NUP205: variants seen among roughly 807,000 people sequenced by gnomAD.
The protein encoded by NUP205 is nucleoporin 205.
NUP205 carries 76 observed loss-of-function variants against 253.8 expected under a neutral mutation model. The ratio of observed to expected loss-of-function variants is 0.30; its 90% CI spans 0.25 to 0.36. NUP205 has a LOEUF of 0.36. Ranked by LOEUF, NUP205 falls within the 10% of genes least tolerant of loss-of-function variation. The pLI is 1.00. For synonymous variants in NUP205, 832 were observed against 850.1 expected (o/e 0.98, Z 0.37); for missense variants, 2,162 against 2,425.5 (o/e 0.89, Z 2.28).
chr7:135,577,077 T>G lies in NUP205; in HGVS notation c.597T>G (p.Phe199Leu), dbSNP rs776802109. 1.9e-6 allele frequency: 3 copies of G among 1,614,026 alleles called. No individual in the cohort carries two copies. The South Asian group carries it at 3.3e-5, about 18-fold the overall frequency. Residue 199 changes from phenylalanine (F) to leucine (L), a missense_variant, in exon 5 of 43, where the codon TTT (phenylalanine) becomes TTG (leucine). Phe to Leu is a conservative substitution (Grantham distance 22). Coordinates refer to ENST00000285968, the MANE Select transcript of NUP205 (RefSeq NM_015135.3). ...LVSQIDVNNE[F>L]EKLQRERGLG... ...CACAGATTGATGTGAATAATGAGTT[T>G]GAGAAACTACAGCGAGAGAGAGGTT...
intron 35 of NUP205, among the ~76,000 whole-genome samples, chr7:135,631,774 G>T (rs1176480491): frequency 6.7e-6 from 1 of 148,800 alleles, no homozygotes; most frequent in Non-Finnish European, 1.5e-5. Context: ...TTTTGAGACG[G>T]AGTCTTGCTC....
At chr7:135,609,702 T>TA (rs1315041237) in intron 22 of NUP205, among the ~76,000 whole-genome samples, 2 of 152,182 alleles carry the variant, frequency 1.3e-5, no homozygotes, top group African/African-American at 4.8e-5. Flanking sequence ...GCATGGATAT[T>TA]TTTCTTTGTT....
intron 8 of NUP205, among the ~76,000 whole-genome samples, chr7:135,586,169 A>G (rs1806458816): frequency 6.6e-6 from 1 of 152,102 alleles, no homozygotes; most frequent in African/African-American, 2.4e-5. Flanking sequence ...CACTTGTAAT[A>G]TATTGTGCAG....
At chr7:135,618,784 G>C (rs571447277) in intron 28 of NUP205, among the ~76,000 whole-genome samples, 181 bp downstream of exon 28, 1 of 152,286 alleles carries the variant, frequency 6.6e-6, no homozygotes, top group African/African-American at 2.4e-5. Flanking sequence ...CTCAACCAGA[G>C]TGTGTGTCTG....
In NUP205 at chr7:135,576,417, C is replaced by G. The variant is rs1299060773; in HGVS notation, c.488+3C>G. ...AAGACATGGACCCTAGAACTCAGGT[C>G]TTTTTACTTCTTGGGATTTCAGGGG... On this transcript the variant is annotated splice_donor_region_variant and intron_variant, in intron 4 of 42. Transcript: ENST00000285968. 3.7e-6 allele frequency: 6 copies of G among 1,602,346 alleles called. No homozygotes were observed. Among genetic ancestry groups the G allele is most frequent in the East Asian group, 2.2e-5 (1 of 44,730 alleles).
chr7:135,604,350 C>A lies in NUP205; in HGVS notation c.2713C>A (p.His905Asn). 6.2e-7 allele frequency: 1 copy of A among 1,607,944 alleles called. No individual in the cohort carries two copies. Among genetic ancestry groups the A allele is most frequent in the Non-Finnish European group, 8.5e-7 (1 of 1,178,194 alleles). Residue 905 changes from histidine to asparagine, a missense_variant, in exon 19 of 43, where the codon CAT becomes AAT. By Grantham distance (68) the His-to-Asn change is moderately conservative. Transcript: ENST00000285968. Reference protein sequence around the residue: ...NVVNIARYLYHGNTNPELAFE... With the variant: ...NVVNIARYLYNGNTNPELAFE... The stretch of plus-strand genomic sequence containing the variant: ...TTCTTTTCTTTAAAGATACCTATAT[C>A]ATGGCAATACTAATCCAGAATTGGC...
At position 135,616,646 on chromosome 7, in the gene NUP205, T is replaced by C. The variant is rs1207241021; in HGVS notation, c.3461-9T>C. 11 of 1,515,510 alleles carry C rather than the reference T, an allele frequency of 7.3e-6. No homozygotes were observed. The South Asian group carries it at 1.0e-4, about 14-fold the overall frequency. The allele number at this position is 1,515,510 out of a possible 1,614,324, so 93.9% of individuals were successfully genotyped here. ...TTTTTCTGATTCAATATTATTGATA[T>C]TCCAACAGATGGTGAAGGAGGAATA... On this transcript the variant is annotated splice_polypyrimidine_tract_variant and intron_variant, in intron 24 of 42. Coordinates refer to ENST00000285968, the MANE Select transcript of NUP205 (RefSeq NM_015135.3).
intron 38 of NUP205, among the ~76,000 whole-genome samples, chr7:135,642,547 TC>T (rs1371256788): frequency 3.3e-5 from 5 of 152,226 alleles, no homozygotes; most frequent in Non-Finnish European, 7.3e-5. Flanking sequence ...ATCCCACTGT[TC>T]CTTTGCATCT....
chr7:135,615,349 A>C (rs1335905138), intron 23 of NUP205, among the ~76,000 whole-genome samples: 1 of 152,156 alleles, frequency 6.6e-6, no homozygotes, highest in Non-Finnish European at 1.5e-5. Flanking sequence ...ACACTGAGGC[A>C]AGGAGTTCAA....
intron 37 of NUP205, 63 bp from the exon 38 acceptor site, chr7:135,638,494 A>T (rs997668712): frequency 3.4e-6 from 5 of 1,475,374 alleles, no homozygotes; most frequent in Admixed American, 3.8e-5. Context: ...TCAAATCTCG[A>T]TTTTCATGCT....
intron 32 of NUP205, among the ~76,000 whole-genome samples, 156 bp from the exon 33 acceptor site, chr7:135,626,084 C>G (rs1438025284): frequency 6.6e-6 from 1 of 152,150 alleles, no homozygotes; most frequent in Admixed American, 6.5e-5. Context: ...CATGAAAATC[C>G]TAGGAAGAAA....
intron 20 of NUP205, 57 bp downstream of exon 20, chr7:135,606,283 T>G (rs371144848): frequency 5.4e-6 from 6 of 1,109,722 alleles, no homozygotes; most frequent in African/African-American, 4.6e-5. Flanking sequence ...ATATGCTTAA[T>G]TTAAAGAAAA....
intron 11 of NUP205, among the ~76,000 whole-genome samples, chr7:135,592,732 C>CA (rs1189168975): frequency 6.6e-6 from 1 of 152,068 alleles, no homozygotes; most frequent in Non-Finnish European, 1.5e-5. Flanking sequence ...ACCAAAAAGA[C>CA]AAAAATTAGC....
chr7:135,599,199 T>C (rs1237538966), intron 15 of NUP205, among the ~76,000 whole-genome samples: 6 of 152,200 alleles, frequency 3.9e-5, no homozygotes, highest in Non-Finnish European at 8.8e-5. Context: ...TCACTTAGCA[T>C]CATGGGGATT....
intron 23 of NUP205, among the ~76,000 whole-genome samples, chr7:135,615,253 A>G (rs540046621): frequency 8.1e-4 from 124 of 152,284 alleles, no homozygotes; most frequent in African/African-American, 2.9e-3. Flanking sequence ...TTAAAATAGT[A>G]TTGGATTAAA....
chr7:135,583,972 G>C (rs1443931666), intron 7 of NUP205, among the ~76,000 whole-genome samples: 2 of 151,672 alleles, frequency 1.3e-5, no homozygotes, highest in South Asian at 2.1e-4. Context: ...CTCCCCAGTA[G>C]CTGGGATTAC....
rs1402069570 is a variant in NUP205 at position 135,567,162 on chromosome 7, A to C, written c.29-3943A>C. Among the ~76,000 whole-genome samples, 2 of 101,646 alleles carry C rather than the reference A, an allele frequency of 2.0e-5. 1 individual carries two copies. The allele number at this position is 101,646 out of a possible 152,430, so 66.7% of individuals were successfully genotyped here. A position where few individuals can be genotyped will look rare whatever the true frequency, so the allele number is the denominator to read the frequency against. On this transcript the variant is annotated intron_variant, in intron 1 of 42. Coordinates refer to ENST00000285968, the MANE Select transcript of NUP205 (RefSeq NM_015135.3). ...TATATATATATATATATATATATAT[A>C]TATATATATATATATATATGTATAT...
chr7:135,648,424 C>T lies in NUP205; in HGVS notation c.5907C>T (p.Asn1969=), dbSNP rs61740269. 0.044 allele frequency: 69,639 copies of T among 1,591,542 alleles called. 1,772 individuals carry two copies. Among genetic ancestry groups the T allele is most frequent in the Middle Eastern group, 0.083 (498 of 6,020 alleles). Residue 1969 remains asparagine (N), a synonymous_variant, in exon 43 of 43, where the codon AAC becomes AAT. Coordinates refer to ENST00000285968, the MANE Select transcript of NUP205 (RefSeq NM_015135.3). The part of the protein sequence containing the change: ...DLDQLQADAI[N]AFGESLQKKL... ...GCTAGCTTCAGGCTGATGCAATCAA[C>T]GCTTTTGGAGAATCACTACAAAAGA...
rs4732133 is a variant in NUP205, at chr7:135,616,267, A to G, written c.3460+202A>G. Among the ~76,000 whole-genome samples the G allele has an allele frequency of 1, 152,338 of 152,338 alleles. 76,169 individuals are homozygous for G. Among genetic ancestry groups the G allele is most frequent in the Non-Finnish European group, 1 (68,040 of 68,040 alleles). ...TTTTAAGCATCCATATTACACTATA[A>G]TCATACCGGTATTATATACAAAATT... On this transcript the variant is annotated intron_variant, in intron 24 of 42. Transcript: ENST00000285968.
Sources: allele counts gnomAD v4.1 joint callset (sites outside exome capture counted in the v4.1 genomes callset), GRCh38; gene constraint gnomAD v4.1.1; transcripts MANE v1.5; gene names NCBI Gene and HGNC (gene_info 2026-07-23, HGNC 2026-07-21).